The following MECOM variants were observed in gnomAD, a reference collection of about 807,000 sequenced individuals.
MECOM encodes the protein MDS1 and EVI1 complex locus, also known as histone-lysine N-methyltransferase MECOM.
MECOM carries 13 observed loss-of-function variants against 116.3 expected under a neutral mutation model. The observed-to-expected ratio is 0.11, with a 90% CI of 0.07 to 0.18. The LOEUF is 0.18. MECOM is among the 10% of genes least tolerant of loss of function. MECOM has a pLI of 1.00. For synonymous variants in MECOM, 528 were observed against 535.2 expected (o/e 0.99, Z 0.19); for missense variants, 1,299 against 1,509.0 (o/e 0.86, Z 2.31).
At chr3:169,366,525 TAGTC>T (rs1306119709) in intron 2 of MECOM, among the ~76,000 whole-genome samples, 2 of 152,002 alleles carry the variant, frequency 1.3e-5, no homozygotes, top group Admixed American at 1.3e-4. Flanking sequence ...CCTAATTCAT[TAGTC>T]AGAGTCTTTC....
intron 1 of MECOM, among the ~76,000 whole-genome samples, chr3:169,578,784 A>G (rs1157000994): frequency 6.6e-6 from 1 of 152,214 alleles, no homozygotes; most frequent in African/African-American, 2.4e-5. Context: ...ATACTCTTCA[A>G]TGATCTCAGC....
chr3:169,154,982 A>T (rs1305988957), intron 2 of MECOM, among the ~76,000 whole-genome samples: 1 of 152,060 alleles, frequency 6.6e-6, no homozygotes. Context: ...CCTTACTTAC[A>T]GGTGTGTCTT....
chr3:169,615,345 G>T (rs1409677129), intron 1 of MECOM, among the ~76,000 whole-genome samples: 3 of 152,076 alleles, frequency 2.0e-5, no homozygotes, highest in Admixed American at 1.3e-4. Context: ...ATAAAATATG[G>T]GCTGAATGAA....
intron 2 of MECOM, among the ~76,000 whole-genome samples, chr3:169,240,120 A>G (rs1042939040): frequency 2.6e-5 from 4 of 152,240 alleles, no homozygotes; most frequent in African/African-American, 9.6e-5. Context: ...AACTGGTTTT[A>G]TGATTATAGA....
At chr3:169,400,725 C>A (rs576711747) in intron 1 of MECOM, among the ~76,000 whole-genome samples, 152 of 152,204 alleles carry the variant, frequency 1.0e-3, no homozygotes, top group African/African-American at 3.4e-3. Flanking sequence ...AACACATTAC[C>A]GTAAAGATAT....
At chr3:169,644,713 C>G (rs1773940050) in intron 1 of MECOM, among the ~76,000 whole-genome samples, 1 of 152,090 alleles carries the variant, frequency 6.6e-6, no homozygotes, top group Admixed American at 6.5e-5. Flanking sequence ...TTATAAAACT[C>G]AAGTGATCAT....
intron 2 of MECOM, among the ~76,000 whole-genome samples, chr3:169,264,300 A>T (rs1453801264): frequency 6.6e-6 from 1 of 152,180 alleles, no homozygotes; most frequent in African/African-American, 2.4e-5. Context: ...AGGCTGAGAG[A>T]CAGATTCTAT....
chr3:169,370,113 G>A (rs557660466), intron 2 of MECOM, among the ~76,000 whole-genome samples: 1 of 151,878 alleles, frequency 6.6e-6, no homozygotes, highest in South Asian at 2.1e-4. Context: ...CAACCTAAAG[G>A]GTCCTAGGGG....
intron 2 of MECOM, among the ~76,000 whole-genome samples, chr3:169,284,471 C>T (rs1712843537): frequency 6.6e-6 from 1 of 152,046 alleles, no homozygotes. Context: ...GGAACATTCT[C>T]CCCTTTAACA....
intron 2 of MECOM, among the ~76,000 whole-genome samples, chr3:169,224,224 C>T (rs541560521): frequency 7.8e-4 from 119 of 152,252 alleles, no homozygotes; most frequent in African/African-American, 2.5e-3. Flanking sequence ...TCCCATCTGC[C>T]CTTCATCACC....
At chr3:169,580,740 C>A (rs1765032439) in intron 1 of MECOM, among the ~76,000 whole-genome samples, 1 of 152,106 alleles carries the variant, frequency 6.6e-6, no homozygotes, top group Non-Finnish European at 1.5e-5. Flanking sequence ...CAAGTTGCCC[C>A]AAATGACTTG....
chr3:169,482,896 T>C (rs529735785), intron 1 of MECOM, among the ~76,000 whole-genome samples: 17 of 152,226 alleles, frequency 1.1e-4, no homozygotes, highest in African/African-American at 4.1e-4. Context: ...ATATTTCTAA[T>C]GGAAGTCTCC....
intron 2 of MECOM, among the ~76,000 whole-genome samples, chr3:169,340,017 T>C (rs1489866142): frequency 2.0e-5 from 3 of 152,238 alleles, no homozygotes; most frequent in South Asian, 2.1e-4. Flanking sequence ...GAATCTATTA[T>C]GTATTTGTAG....
At chr3:169,281,401 T>C (rs886355915) in intron 2 of MECOM, among the ~76,000 whole-genome samples, 2 of 149,550 alleles carry the variant, frequency 1.3e-5, no homozygotes, top group Non-Finnish European at 3.0e-5. Flanking sequence ...TGTGATAAAT[T>C]GTGTGAAAAT....
rs569500799 is a variant in MECOM, at chr3:169,504,778, G to A, written c.38-123254C>T. 5.3e-5 allele frequency among the ~76,000 whole-genome samples: 8 copies of A among 152,246 alleles called. No individual in the cohort carries two copies. The East Asian group carries it at 1.4e-3, about 26-fold the overall frequency. ...GATTTTTGCCTATCCAGAAACCAGGGGGTTCATGTTACAAATTTATATTGT... is the reference window on the plus strand; with the variant it reads ...GATTTTTGCCTATCCAGAAACCAGGAGGTTCATGTTACAAATTTATATTGT... On this transcript the variant is annotated intron_variant, in intron 1 of 16. Transcript: ENST00000651503.
intron 1 of MECOM, among the ~76,000 whole-genome samples, chr3:169,649,522 T>A (rs908109595): frequency 1.3e-5 from 2 of 152,072 alleles, no homozygotes; most frequent in Admixed American, 6.5e-5. Context: ...TCTTTGTCCC[T>A]GTTAATAAAT....
At chr3:169,425,304 G>A (rs1740470666) in intron 1 of MECOM, among the ~76,000 whole-genome samples, 1 of 152,120 alleles carries the variant, frequency 6.6e-6, no homozygotes, top group South Asian at 2.1e-4. Flanking sequence ...CTTTGCACGA[G>A]AAAACGGAGC....
intron 1 of MECOM, among the ~76,000 whole-genome samples, chr3:169,395,525 C>G (rs1336462450): frequency 6.6e-6 from 1 of 152,140 alleles, no homozygotes; most frequent in African/African-American, 2.4e-5. Flanking sequence ...ACTCCAAATG[C>G]TCAAGATACT....
At chr3:169,541,674 C>T (rs1273305305) in intron 1 of MECOM, among the ~76,000 whole-genome samples, 1 of 152,182 alleles carries the variant, frequency 6.6e-6, no homozygotes, top group Non-Finnish European at 1.5e-5. Context: ...GCTGCCATTC[C>T]GGATGCCCCT....
Sources: gnomAD v4.1 joint callset for allele counts (sites outside exome capture counted in the v4.1 genomes callset) on GRCh38, gnomAD v4.1.1 for gene constraint, MANE v1.5 for transcripts, NCBI Gene and HGNC (gene_info 2026-07-23, HGNC 2026-07-21) for gene names.